HSD17B4: variants seen among roughly 807,000 people sequenced by gnomAD.
HSD17B4 encodes the protein hydroxysteroid 17-beta dehydrogenase 4, also known as peroxisomal multifunctional enzyme type 2.
A neutral mutation model predicts 101.0 loss-of-function variants in HSD17B4; 70 were observed. The observed-to-expected ratio is 0.69, with a 90% CI of 0.57 to 0.85. The LOEUF (loss-of-function observed/expected upper bound fraction) is 0.85. Ranked by LOEUF, HSD17B4 falls within the 40% of genes least tolerant of loss-of-function variation. HSD17B4 has a pLI of 0.00. For synonymous variants in HSD17B4, 347 were observed against 297.1 expected, an observed-to-expected ratio of 1.17 and a Z score of -1.73; for missense variants, 984 against 892.4, an observed-to-expected ratio of 1.10 and a Z score of -1.31.
intron 9 of HSD17B4, 70 bp downstream of exon 9, chr5:119,489,353 G>A: frequency 1.1e-6 from 1 of 937,964 alleles, no homozygotes; most frequent in Non-Finnish European, 1.8e-6. Flanking sequence ...ATCTGTACCA[G>A]TGGACATCAC....
At chr5:119,518,537 A>G (rs1205990421) in intron 17 of HSD17B4, among the ~76,000 whole-genome samples, 2 of 152,152 alleles carry the variant, frequency 1.3e-5, no homozygotes, top group African/African-American at 4.8e-5. Context: ...TAGGGCTTGC[A>G]GTGTGTTGAG....
chr5:119,475,614 A>G (rs1434201909), intron 4 of HSD17B4, 92 bp from the exon 5 acceptor site: 12 of 1,036,166 alleles, frequency 1.2e-5, no homozygotes, highest in Non-Finnish European at 1.8e-5. Context: ...TCATGGTTAA[A>G]AAACGCCAGT....
chr5:119,456,160 G>T (rs1754625999), intron 1 of HSD17B4, among the ~76,000 whole-genome samples, 155 bp from the exon 2 acceptor site: 1 of 152,180 alleles, frequency 6.6e-6, no homozygotes, highest in Non-Finnish European at 1.5e-5. Flanking sequence ...GAAGAGAGTG[G>T]ATAGGTTGAG....
chr5:119,467,607 G>A (rs1052396075), intron 2 of HSD17B4, among the ~76,000 whole-genome samples: 50 of 152,110 alleles, frequency 3.3e-4, no homozygotes, highest in African/African-American at 2.2e-4. Context: ...TAAGTGTATC[G>A]TTGACTCTTA....
chr5:119,514,372 C>T (rs1005860016), intron 16 of HSD17B4, among the ~76,000 whole-genome samples: 2 of 152,060 alleles, frequency 1.3e-5, no homozygotes, highest in African/African-American at 4.8e-5. Context: ...TAAAATTTTG[C>T]CTCTATTATA....
chr5:119,504,111 T>G (rs1431504354), intron 14 of HSD17B4, among the ~76,000 whole-genome samples: 2 of 152,216 alleles, frequency 1.3e-5, no homozygotes, highest in Non-Finnish European at 1.5e-5. Context: ...GCACATGATT[T>G]TGTTCTTTTT....
chr5:119,525,243 T>C lies in HSD17B4; in HGVS notation c.1531T>C (p.Trp511Arg), dbSNP rs11539471. Residue 511 changes from tryptophan to arginine, a missense_variant, in exon 18 of 24, where the codon TGG becomes CGG. By Grantham distance (101) the Trp-to-Arg change is moderately radical. Transcript: ENST00000510025. Reference protein sequence around the residue: ...QAALYRLSGDWNPLHIDPNFA... With the variant: ...QAALYRLSGDRNPLHIDPNFA... ...TGCTTTGTACCGCCTCAGTGGAGAC[T>C]GGAATCCCTTACACATTGATCCTAA... 136,848 of 1,610,606 alleles carry C rather than the reference T, an allele frequency of 0.085. 7,951 individuals carry two copies. The highest frequency in any genetic ancestry group is 0.3 in the African/African-American group (22,168 of 74,780).
chr5:119,487,806 G>A (rs947875969), intron 8 of HSD17B4, among the ~76,000 whole-genome samples: 1 of 152,038 alleles, frequency 6.6e-6, no homozygotes, highest in Non-Finnish European at 1.5e-5. Flanking sequence ...GAAATTAGAG[G>A]AATGTTATGT....
intron 8 of HSD17B4, among the ~76,000 whole-genome samples, chr5:119,479,540 T>A (rs1415589615): frequency 6.6e-6 from 1 of 152,168 alleles, no homozygotes; most frequent in Non-Finnish European, 1.5e-5. Context: ...ATGTATGGGT[T>A]TTCACAAATG....
rs746420240 is a variant in HSD17B4 at position 119,499,457 on chromosome 5, C to T, written c.1113C>T (p.Phe371=). The stretch of plus-strand genomic sequence containing the variant: ...TTATTTATGAAGGAAGTTCTGATTT[C>T]TCCTGTTTGCCCACCTTCGGAGTTA... ...LKFIYEGSSD[F]SCLPTFGVII... is the part of the protein sequence containing the mutation. Residue 371 remains phenylalanine, a synonymous_variant, in exon 13 of 24, where the codon TTC becomes TTT. Coordinates refer to ENST00000510025, the MANE Select transcript of HSD17B4 (RefSeq NM_000414.4). 1 of 1,613,778 alleles carries T rather than the reference C, an allele frequency of 6.2e-7. No individual in the cohort carries two copies. The highest frequency in any genetic ancestry group is 8.5e-7 in the Non-Finnish European group (1 of 1,179,718).
At chr5:119,456,438 GTCTT>G in intron 2 of HSD17B4, 70 bp downstream of exon 2, 1 of 988,232 alleles carries the variant, frequency 1.0e-6, no homozygotes, top group East Asian at 2.4e-5. Flanking sequence ...AGCTATCTTT[GTCTT>G]TCTATCAAAT....
intron 10 of HSD17B4, chr5:119,492,475 A>T (rs1393893339): frequency 4.3e-6 from 1 of 235,096 alleles, no homozygotes; most frequent in Non-Finnish European, 8.4e-6. Flanking sequence ...CAGAGAAGTG[A>T]GTGGGAGGGA....
chr5:119,453,026 G>C (rs900238411), intron 1 of HSD17B4, among the ~76,000 whole-genome samples: 5 of 152,226 alleles, frequency 3.3e-5, no homozygotes, highest in Non-Finnish European at 7.3e-5. Context: ...CGCGAGGGGC[G>C]GGGGCTGGAA....
At chr5:119,497,784 G>A (rs1236185978) in intron 12 of HSD17B4, among the ~76,000 whole-genome samples, 1 of 152,114 alleles carries the variant, frequency 6.6e-6, no homozygotes, top group Non-Finnish European at 1.5e-5. Context: ...GATAGAATTT[G>A]AACATAAGCT....
chr5:119,452,698 C>A lies in HSD17B4; in HGVS notation c.58+65C>A, dbSNP rs761953125. ...GCGCAGCTGGCTGCTCTTTTCGGGC[C>A]GGCATACGCGCGCAGCCGCAGCTGA... is the stretch of plus-strand genomic sequence containing the variant. On this transcript the variant is annotated intron_variant, in intron 1 of 23. Coordinates refer to ENST00000510025, the MANE Select transcript of HSD17B4 (RefSeq NM_000414.4). 35 of 1,609,034 alleles carry A rather than the reference C, an allele frequency of 2.2e-5. 1 individual carries two copies. Among genetic ancestry groups the A allele is most frequent in the Non-Finnish European group, 2.7e-5 (32 of 1,179,818 alleles).
chr5:119,539,595 A>T (rs1386469967), intron 23 of HSD17B4, among the ~76,000 whole-genome samples: 1 of 151,906 alleles, frequency 6.6e-6, no homozygotes, highest in Non-Finnish European at 1.5e-5. Context: ...ATAATAATAA[A>T]AAAGAAGAAG....
At chr5:119,535,399 A>G (rs1277210178) in intron 22 of HSD17B4, among the ~76,000 whole-genome samples, 1 of 151,888 alleles carries the variant, frequency 6.6e-6, no homozygotes, top group East Asian at 1.9e-4. Context: ...TATACATTAC[A>G]TTTGGTTCTT....
rs185663170 is a variant in HSD17B4, at chr5:119,468,054, T to G, written c.113-5854T>G. ...TATTCAAGATAAATAGGCAAGAACT[T>G]CTGTCATTTTGTTAATTGTTTTCTG... On this transcript the variant is annotated intron_variant, in intron 2 of 23. Transcript: ENST00000510025. 1.1e-4 allele frequency among the ~76,000 whole-genome samples: 16 copies of G among 152,316 alleles called. No homozygotes were observed. The East Asian group carries it at 2.7e-3, about 26-fold the overall frequency.
intron 9 of HSD17B4, 128 bp downstream of exon 9, chr5:119,489,411 C>T (rs1304169459): frequency 2.9e-6 from 2 of 688,534 alleles, no homozygotes; most frequent in African/African-American, 3.6e-5. Flanking sequence ...AAAGTGTTGA[C>T]TAATATCCAT....
Sources: gnomAD v4.1 joint callset for allele counts (sites outside exome capture counted in the v4.1 genomes callset) on GRCh38, gnomAD v4.1.1 for gene constraint, MANE v1.5 for transcripts, NCBI Gene and HGNC (gene_info 2026-07-23, HGNC 2026-07-21) for gene names.